The following CHRNE variants were observed in gnomAD, a reference collection of about 807,000 sequenced individuals.
CHRNE encodes acetylcholine receptor subunit epsilon.
In CHRNE, 58 loss-of-function variants were observed where a neutral mutation model predicts 56.5. The ratio of observed to expected loss-of-function variants is 1.03; its 90% CI spans 0.83 to 1.28. CHRNE has a LOEUF of 1.28. Among genes scored for constraint, CHRNE ranks in the 50% most tolerant of loss-of-function variants. The pLI is 0.00. For synonymous variants in CHRNE, 385 were observed against 297.9 expected (o/e 1.29, Z -3.01); for missense variants, 793 against 688.9 (o/e 1.15, Z -1.69).
Position 4,902,964 on chromosome 17 carries a change from C to T in CHRNE, c.46+54G>A. 1 of 1,609,480 alleles carries T rather than the reference C, an allele frequency of 6.2e-7. No individual in the cohort carries two copies. Among genetic ancestry groups the T allele is most frequent in the Non-Finnish European group, 8.5e-7 (1 of 1,175,946 alleles). On this transcript the variant is annotated intron_variant, in intron 1 of 11. Coordinates refer to ENST00000649488, the MANE Select transcript of CHRNE (RefSeq NM_000080.4). This position sits in a 1 kb window ranked among gnomAD's most constrained non-coding sequence, Gnocchi z 4.0. ...GGTCTCTGTCTTTGTCTTCCCAGTC[C>T]CTTCATGTCAGTATCTGTGTGTGTC...
At chr17:4,901,439 C>A in intron 6 of CHRNE, 86 bp downstream of exon 6, 1 of 1,255,316 alleles carries the variant, frequency 8.0e-7, no homozygotes, top group Non-Finnish European at 1.2e-6. Flanking sequence ...CCTCCAGTGT[C>A]GTTGGTCCGG....
intron 5 of CHRNE, 71 bp downstream of exon 5, chr17:4,901,861 C>T: frequency 5.0e-6 from 8 of 1,593,686 alleles, no homozygotes; most frequent in Non-Finnish European, 6.9e-6. Context: ...GGCGGTGCTT[C>T]CCGGTTGGCC....
Position 4,898,100 on chromosome 17 carries a change from A to G in CHRNE, c.*636T>C. The G allele has an allele frequency of 6.3e-6, 1 of 159,256 alleles. No individual in the cohort carries two copies. Among genetic ancestry groups the G allele is most frequent in the Non-Finnish European group, 1.4e-5 (1 of 72,364 alleles). 9.9% of individuals were successfully genotyped at this position (159,256 alleles called of 1,614,324 possible). ...TCCTTGCTTTCTGTCAGTACTGTAG[A>G]CTAGGCAGAGAGAGCCTCCAGGGTG... is the stretch of plus-strand genomic sequence containing the variant. On this transcript the variant is annotated 3_prime_UTR_variant, in exon 12 of 12. Coordinates refer to ENST00000649488, the MANE Select transcript of CHRNE (RefSeq NM_000080.4).
rs1056459201 is a variant in CHRNE, at chr17:4,900,443, G to A, written c.917+350C>T. On this transcript the variant is annotated intron_variant, in intron 8 of 11. Transcript: ENST00000649488. ...TATGCCTGTGTGGACGGGGTCTGCA[G>A]GGGTCTGCCTCATTCCTGCGACAGT... The A allele has an allele frequency of 3.9e-6, 6 of 1,550,978 alleles. No individual in the cohort carries two copies. In the African/African-American group the frequency reaches 5.5e-5, roughly 14 times the overall value.
upstream of CHRNE, among the ~76,000 whole-genome samples, chr17:4,904,533 T>C (rs1410257480): frequency 6.6e-6 from 1 of 152,178 alleles, no homozygotes; most frequent in Non-Finnish European, 1.5e-5. Flanking sequence ...TAGGAGGGGC[T>C]GGCCTAAGCA....
At chr17:4,900,086 G>C in intron 8 of CHRNE, 1 of 1,550,952 alleles carries the variant, frequency 6.4e-7, no homozygotes, top group East Asian at 2.4e-5. Context: ...GCCCACCCTG[G>C]GGCTGGTGTT....
upstream of CHRNE, among the ~76,000 whole-genome samples, chr17:4,904,966 T>C (rs953089921): frequency 1.3e-5 from 2 of 152,256 alleles, no homozygotes; most frequent in African/African-American, 4.8e-5. Context: ...GGCTGGTACA[T>C]GGACTAAGTC....
Position 4,898,439 on chromosome 17 carries a change from T to C in CHRNE, c.*297A>G. On this transcript the variant is annotated 3_prime_UTR_variant, in exon 12 of 12. Coordinates refer to ENST00000649488, the MANE Select transcript of CHRNE (RefSeq NM_000080.4). The stretch of plus-strand genomic sequence containing the variant: ...GCTCACAAGCTGGCAGCCACCAGAG[T>C]CCCGTGGGGCTGAGCCTTAGAAAGG... The C allele has an allele frequency of 2.0e-6, 1 of 488,898 alleles. No individual in the cohort carries two copies. The highest frequency in any genetic ancestry group is 3.8e-5 in the East Asian group (1 of 26,150). The allele number at this position is 488,898 out of a possible 1,614,324, so 30.3% of individuals were successfully genotyped here.
In CHRNE at chr17:4,898,671, G is replaced by A. The variant is rs56067981; in HGVS notation, c.*65C>T. ...GAAGGGATCATAATGCCGTGGTGGC[G>A]GCAGCCTACTTTTTCAAAATCAATT... On this transcript the variant is annotated 3_prime_UTR_variant, in exon 12 of 12. Coordinates refer to ENST00000649488, the MANE Select transcript of CHRNE (RefSeq NM_000080.4). 130,767 of 1,555,484 alleles carry A rather than the reference G, an allele frequency of 0.084. 5,916 individuals carry two copies. Among genetic ancestry groups the A allele is most frequent in the Non-Finnish European group, 0.092 (105,669 of 1,149,030 alleles).
Position 4,900,974 on chromosome 17 carries a change from C to T in CHRNE, c.802+16G>A, listed in dbSNP as rs979841930. 14 of 1,613,778 alleles carry T rather than the reference C, an allele frequency of 8.7e-6. No individual in the cohort carries two copies. The highest frequency in any genetic ancestry group is 2.7e-5 in the African/African-American group (2 of 74,918). The stretch of plus-strand genomic sequence containing the variant: ...GCGAGCCCGGGTTTGGGGGTAGGTT[C>T]GGGGCCACTGCTTACCCTGCGCCGG... On this transcript the variant is annotated intron_variant, in intron 7 of 11. Transcript: ENST00000649488.
intron 6 of CHRNE, 112 bp from the exon 7 acceptor site, chr17:4,901,302 A>T: frequency 2.4e-6 from 3 of 1,224,542 alleles, no homozygotes; most frequent in Non-Finnish European, 3.5e-6. Context: ...GGCCGTCAGG[A>T]TGGGGGCAAT....
Position 4,901,111 on chromosome 17 carries a change from C to G in CHRNE, c.681G>C (p.Glu227Asp), listed in dbSNP as rs1490231220. ...HHGGATDGPGETDVIYSLIIR... is the reference protein window; with the variant it reads ...HHGGATDGPGDTDVIYSLIIR... ...TGATGAGCGAGTAGATGACGTCAGTCTCCCCTGGGCCGTCGGTGGCGCCAC... is the reference window on the plus strand; with the variant it reads ...TGATGAGCGAGTAGATGACGTCAGTGTCCCCTGGGCCGTCGGTGGCGCCAC... Residue 227 changes from glutamate to aspartate, a missense_variant, in exon 7 of 12, where the codon GAG becomes GAC. Physicochemically the swap from Glu to Asp is conservative, Grantham distance 45. Transcript: ENST00000649488. 1 of 1,613,434 alleles carries G rather than the reference C, an allele frequency of 6.2e-7. No homozygotes were observed. The highest frequency in any genetic ancestry group is 8.5e-7 in the Non-Finnish European group (1 of 1,179,966).
intron 8 of CHRNE, chr17:4,899,810 C>T: frequency 6.4e-7 from 1 of 1,551,232 alleles, no homozygotes; most frequent in Non-Finnish European, 8.7e-7. Context: ...GGATCTACCA[C>T]TTCCACAGCT....
chr17:4,899,151 T>C (rs1237401939), intron 10 of CHRNE, 44 bp from the exon 11 acceptor site: 1 of 1,596,240 alleles, frequency 6.3e-7, no homozygotes, highest in African/African-American at 1.3e-5. Context: ...GCCTCCCCCC[T>C]GGCAGGCACC....
chr17:4,900,842 T>A lies in CHRNE; in HGVS notation c.868A>T (p.Ile290Phe). Residue 290 changes from isoleucine to phenylalanine, a missense_variant, in exon 8 of 12, where the codon ATT becomes TTT. Physicochemically the swap from Ile to Phe is conservative, Grantham distance 21. Coordinates refer to ENST00000649488, the MANE Select transcript of CHRNE (RefSeq NM_000080.4). ...GAAGTCTCTGGGATTTTCTGGGCAATGAGGAACAAGAAGACGGTCTGGGCG... is the reference window on the plus strand; with the variant it reads ...GAAGTCTCTGGGATTTTCTGGGCAAAGAGGAACAAGAAGACGGTCTGGGCG... ...LLAQTVFLFL[I>F]AQKIPETSLS... The A allele has an allele frequency of 6.2e-6, 10 of 1,614,016 alleles. No homozygotes were observed. The highest frequency in any genetic ancestry group is 4.2e-6 in the Non-Finnish European group (5 of 1,179,966).
At chr17:4,901,818 G>A in intron 5 of CHRNE, 114 bp downstream of exon 5, 1 of 1,491,898 alleles carries the variant, frequency 6.7e-7, no homozygotes, top group Non-Finnish European at 9.3e-7. Context: ...GCCTACGCCT[G>A]GCTCCGCCTC....
Position 4,902,507 on chromosome 17 carries a change from G to C in CHRNE, c.190-13C>G, listed in dbSNP as rs369898827. The C allele has an allele frequency of 1.2e-6, 2 of 1,614,202 alleles. No individual in the cohort carries two copies. Among genetic ancestry groups the C allele is most frequent in the Non-Finnish European group, 1.7e-6 (2 of 1,180,044 alleles). ...CCTCTTTTTCATTCTGCAGATGGGA[G>C]ATGGGGATGATTGAAGTGAGATTTC... On this transcript the variant is annotated splice_polypyrimidine_tract_variant and intron_variant, in intron 2 of 11. Coordinates refer to ENST00000649488, the MANE Select transcript of CHRNE (RefSeq NM_000080.4). This position sits in a 1 kb window ranked among gnomAD's most constrained non-coding sequence, Gnocchi z 4.0.
chr17:4,903,510 C>G (rs144610838), upstream of CHRNE, among the ~76,000 whole-genome samples: 4 of 152,318 alleles, frequency 2.6e-5, no homozygotes, highest in East Asian at 7.7e-4. Context: ...CACACACTAT[C>G]ACCACCCAAG....
chr17:4,900,459 C>G, intron 8 of CHRNE: 1 of 1,551,068 alleles, frequency 6.4e-7, no homozygotes, highest in Non-Finnish European at 8.7e-7. Flanking sequence ...TGCCTCATTC[C>G]TGCGACAGTC....
Sources: allele counts gnomAD v4.1 joint callset (sites outside exome capture counted in the v4.1 genomes callset), GRCh38; gene constraint gnomAD v4.1.1; non-coding constraint Gnocchi (gnomAD v3.1); transcripts MANE v1.5; gene names NCBI Gene and HGNC (gene_info 2026-07-23, HGNC 2026-07-21).